Variants in RTTN observed in about 807,000 individuals in gnomAD.
The protein encoded by RTTN is rotatin.
In RTTN, 182 loss-of-function variants were observed where a neutral mutation model predicts 269.2. That is an observed-to-expected ratio of 0.68 (90% CI 0.60 to 0.76). The LOEUF (loss-of-function observed/expected upper bound fraction) is 0.76. RTTN is among the 30% of genes least tolerant of loss of function. The probability of loss-of-function intolerance (pLI) is 0.00; values close to 1 mark genes in which losing one functional copy is unlikely to be tolerated. For missense variants in RTTN, 2,545 were observed against 2,608.6 expected (o/e 0.98, Z 0.53); for synonymous variants, 1,006 against 963.5 (o/e 1.04, Z -0.82).
At chr18:70,203,741 G>A (rs1231321000) in intron 3 of RTTN, among the ~76,000 whole-genome samples, 1 of 152,042 alleles carries the variant, frequency 6.6e-6, no homozygotes, top group African/African-American at 2.4e-5. Context: ...CCAATATGAC[G>A]AACAAGGTCA....
At chr18:70,166,267 G>A in intron 13 of RTTN, 79 bp from the exon 14 acceptor site, 6 of 1,400,674 alleles carry the variant, frequency 4.3e-6, no homozygotes, top group Non-Finnish European at 6.0e-6. Context: ...TACTGGAAGG[G>A]ATTTCTTCCT....
chr18:70,115,533 TAGTA>T lies in RTTN; in HGVS notation c.3529-938_3529-935del, dbSNP rs199878129. Among the ~76,000 whole-genome samples, 942 of 149,336 alleles carry T rather than the reference TAGTA, an allele frequency of 6.3e-3. 4 individuals are homozygous for T. Among genetic ancestry groups the T allele is most frequent in the Middle Eastern group, 0.011 (3 of 284 alleles). On this transcript the variant is annotated intron_variant, in intron 26 of 48. Coordinates refer to ENST00000640769, the MANE Select transcript of RTTN (RefSeq NM_173630.4). ...CAGGCACTGTGCTAAAAAAAAAAGA[TAGTA>T]AGATTTCATTTGACTTTTTGAATAA...
At chr18:70,116,879 GA>G in intron 26 of RTTN, among the ~76,000 whole-genome samples, 1 of 149,670 alleles carries the variant, frequency 6.7e-6, no homozygotes. Flanking sequence ...ACCAAAAGAA[GA>G]AAAAAACTAA....
At chr18:70,138,884 C>G (rs1466445263) in intron 21 of RTTN, 1 of 151,892 alleles carries the variant, frequency 6.6e-6, no homozygotes, top group Admixed American at 6.6e-5. Context: ...GATGCTTGTA[C>G]GTGACTCTTC....
rs1216482307 is a variant in RTTN, at chr18:70,140,208, C to T, written c.2582-20G>A. 1 of 1,433,916 alleles carries T rather than the reference C, an allele frequency of 7.0e-7. No individual in the cohort carries two copies. Among genetic ancestry groups the T allele is most frequent in the African/African-American group, 1.4e-5 (1 of 71,016 alleles). 88.8% of individuals were successfully genotyped at this position (1,433,916 alleles called of 1,614,324 possible). A position where few individuals can be genotyped will look rare whatever the true frequency, so the allele number is the denominator to read the frequency against. On this transcript the variant is annotated intron_variant, in intron 19 of 48. Transcript: ENST00000640769. Reference sequence around the variant, plus strand: ...TAATATCTGTAGATAAAAAAAGTTACTAAAAGTTAAAGCACATTTTTTGTA... The same window carrying T: ...TAATATCTGTAGATAAAAAAAGTTATTAAAAGTTAAAGCACATTTTTTGTA...
chr18:70,191,949 CAT>C lies in RTTN; in HGVS notation c.1008-1232_1008-1231del, dbSNP rs550609372. Among the ~76,000 whole-genome samples the C allele has an allele frequency of 4.0e-3, 604 of 152,280 alleles. 5 individuals are homozygous for C. Among genetic ancestry groups the C allele is most frequent in the African/African-American group, 0.014 (568 of 41,546 alleles). ...AAAGGCTTCAGGAGAAAGAGAAAAA[CAT>C]GGCTGAACAACCAACTACAATATAA... On this transcript the variant is annotated intron_variant, in intron 8 of 48. Transcript: ENST00000640769.
intron 11 of RTTN, among the ~76,000 whole-genome samples, chr18:70,176,211 AT>A (rs2061293585): frequency 1.4e-5 from 1 of 69,040 alleles, no homozygotes; most frequent in Non-Finnish European, 3.0e-5. Context: ...ATGTATATGT[AT>A]ATGTATATGT....
intron 45 of RTTN, among the ~76,000 whole-genome samples, chr18:70,018,522 C>G (rs2056608074): frequency 2.0e-5 from 3 of 152,186 alleles, no homozygotes; most frequent in African/African-American, 7.2e-5. Flanking sequence ...TCCAGTTTAT[C>G]TCTTAGGTTT....
chr18:70,186,089 A>G (rs1207089229), intron 10 of RTTN, among the ~76,000 whole-genome samples: 1 of 152,012 alleles, frequency 6.6e-6, no homozygotes, highest in Non-Finnish European at 1.5e-5. Context: ...CCAAAAAAAA[A>G]AAAAAAACTG....
At chr18:70,011,173 G>A (rs1462696461) in intron 46 of RTTN, among the ~76,000 whole-genome samples, 1 of 152,146 alleles carries the variant, frequency 6.6e-6, no homozygotes, top group African/African-American at 2.4e-5. Context: ...AGTGGAGCTG[G>A]TACCATTCCT....
chr18:70,197,180 G>A (rs1386987397), intron 6 of RTTN, among the ~76,000 whole-genome samples: 1 of 151,934 alleles, frequency 6.6e-6, no homozygotes, highest in Non-Finnish European at 1.5e-5. Context: ...CCCCACCCTG[G>A]ATCCCTCTCT....
chr18:70,040,994 C>T (rs539767816), intron 40 of RTTN, among the ~76,000 whole-genome samples: 16 of 152,108 alleles, frequency 1.1e-4, no homozygotes, highest in African/African-American at 3.6e-4. Flanking sequence ...CCAAGGTGGA[C>T]GGAACACCTG....
At chr18:70,200,534 A>C (rs559255971) in intron 4 of RTTN, among the ~76,000 whole-genome samples, 39 of 152,336 alleles carry the variant, frequency 2.6e-4, no homozygotes, top group African/African-American at 9.1e-4. Flanking sequence ...CCTCAAAAAC[A>C]AAGCTTGCTA....
At chr18:70,174,689 G>A (rs1027675464) in intron 11 of RTTN, among the ~76,000 whole-genome samples, 1 of 150,686 alleles carries the variant, frequency 6.6e-6, no homozygotes, top group Non-Finnish European at 1.5e-5. Flanking sequence ...AATGGAAAAT[G>A]TATGTTAGAT....
At chr18:70,085,611 A>G (rs9807211) in intron 32 of RTTN, among the ~76,000 whole-genome samples, 122 of 152,328 alleles carry the variant, frequency 8.0e-4, no homozygotes, top group African/African-American at 2.5e-3. Context: ...AAAGGACAGA[A>G]ACAGCACATC....
intron 40 of RTTN, among the ~76,000 whole-genome samples, chr18:70,032,978 G>C (rs990651315): frequency 6.6e-6 from 1 of 152,216 alleles, no homozygotes; most frequent in Non-Finnish European, 1.5e-5. Flanking sequence ...TACTGATATG[G>C]TTTGGATCTG....
intron 38 of RTTN, chr18:70,053,635 C>T (rs1047395829): frequency 6.6e-6 from 1 of 152,178 alleles, no homozygotes; most frequent in Non-Finnish European, 1.5e-5. Context: ...TAGATTTTGA[C>T]AAAGATCCTA....
At chr18:70,177,900 TATC>T (rs1215863801) in intron 10 of RTTN, among the ~76,000 whole-genome samples, 2 of 152,038 alleles carry the variant, frequency 1.3e-5, no homozygotes, top group Non-Finnish European at 2.9e-5. Flanking sequence ...AACACAGAAT[TATC>T]ATATGATCCA....
At chr18:70,032,581 GA>G (rs2057048318) in intron 40 of RTTN, among the ~76,000 whole-genome samples, 1 of 152,192 alleles carries the variant, frequency 6.6e-6, no homozygotes, top group South Asian at 2.1e-4. Flanking sequence ...AAAAGACAAA[GA>G]AGGGCATTAC....
Sources: allele counts gnomAD v4.1 joint callset (sites outside exome capture counted in the v4.1 genomes callset), GRCh38; gene constraint gnomAD v4.1.1; transcripts MANE v1.5; gene names NCBI Gene and HGNC (gene_info 2026-07-23, HGNC 2026-07-21).